Variants in TSKS observed in about 807,000 individuals in gnomAD.
The protein encoded by TSKS is testis-specific serine kinase substrate.
In TSKS, 27 loss-of-function variants were observed where a neutral mutation model predicts 68.0. The ratio of observed to expected loss-of-function variants is 0.40; its 90% confidence interval spans 0.29 to 0.55. The LOEUF (loss-of-function observed/expected upper bound fraction) is 0.55. TSKS is among the 20% of genes least tolerant of loss of function. The pLI, the probability that TSKS is intolerant of heterozygous loss-of-function variation, is 0.53. For synonymous variants in TSKS, 331 were observed against 340.4 expected (o/e 0.97, Z 0.30); for missense variants, 806 against 776.0 (o/e 1.04, Z -0.46).
chr19:49,762,113 C>G lies in TSKS; in HGVS notation c.290G>C (p.Gly97Ala). 6.2e-7 allele frequency: 1 copy of G among 1,614,106 alleles called. No individual in the cohort carries two copies. Among genetic ancestry groups the G allele is most frequent in the Non-Finnish European group, 8.5e-7 (1 of 1,180,008 alleles). The change falls in exon 2 of 11, where the codon GGG becomes GCG. Residue 97 changes from glycine to alanine, a missense_variant. Transcript: ENST00000246801. ...GAGGTCTTCCACTGTGGAGTCTGTC[C>G]CCGTGGAGTCAGTGGGCTCCATGGC... ...LAAMEPTDST[G>A]TDSTVEDLSG... is the part of the protein sequence containing the mutation.
In TSKS at chr19:49,748,468, C is replaced by A. The variant is rs141822625; in HGVS notation, c.401G>T (p.Ser134Ile). The change falls in exon 3 of 11, where the codon AGT (serine) becomes ATT (isoleucine). Residue 134 changes from serine to isoleucine, a missense_variant and splice_region_variant. Transcript: ENST00000246801. ...GCGGACCAATCCACTGTTGACCCCA[C>A]TCTGGGGAAGAATGGGAGACAGGTG... ...PDDADITEIL[S>I]GVNSGLVRAK... 125 of 1,613,710 alleles carry A rather than the reference C, an allele frequency of 7.7e-5. No individual in the cohort carries two copies. The African/African-American group carries it at 1.6e-3, about 20-fold the overall frequency.
chr19:49,748,976 T>C (rs889905010), intron 2 of TSKS, among the ~76,000 whole-genome samples: 1 of 151,920 alleles, frequency 6.6e-6, no homozygotes, highest in African/African-American at 2.4e-5. Flanking sequence ...GGCAGGAGAA[T>C]TGCTTGAACC....
chr19:49,754,237 A>G lies in TSKS; in HGVS notation c.400-5768T>C, dbSNP rs915311471. 1.0e-4 allele frequency among the ~76,000 whole-genome samples: 15 copies of G among 149,244 alleles called. No homozygotes were observed. In the East Asian group the frequency reaches 2.7e-3, roughly 27 times the overall value. On this transcript the variant is annotated intron_variant, in intron 2 of 10. Coordinates refer to ENST00000246801, the MANE Select transcript of TSKS (RefSeq NM_021733.2). Reference sequence around the variant, plus strand: ...TTTCAGGCCAGGCACGGTGGCTCACACCTGTAATCTCAGCACTTTGGGAGG... The same window carrying G: ...TTTCAGGCCAGGCACGGTGGCTCACGCCTGTAATCTCAGCACTTTGGGAGG...
At chr19:49,742,152 C>T in intron 8 of TSKS, 132 bp from the exon 9 acceptor site, 1 of 944,410 alleles carries the variant, frequency 1.1e-6, no homozygotes, top group South Asian at 1.6e-5. Context: ...TCCCAGCATG[C>T]ACTGTGCACC....
intron 8 of TSKS, among the ~76,000 whole-genome samples, 181 bp from the exon 9 acceptor site, chr19:49,742,201 ACTC>A (rs1206972560): frequency 6.9e-6 from 1 of 145,262 alleles, no homozygotes; most frequent in African/African-American, 2.5e-5. Context: ...GGGGATCACT[ACTC>A]CTTTTTTTTT....
chr19:49,762,930 G>T, intron 1 of TSKS, 148 bp downstream of exon 1: 3 of 933,318 alleles, frequency 3.2e-6, no homozygotes, highest in Non-Finnish European at 4.7e-6. Context: ...CCTGTGACTT[G>T]ATGTCTCTTC....
chr19:49,760,631 CAA>C (rs1023479836), intron 2 of TSKS, among the ~76,000 whole-genome samples: 2 of 151,612 alleles, frequency 1.3e-5, no homozygotes, highest in Non-Finnish European at 2.9e-5. Context: ...GCCTGGCCTA[CAA>C]AAAATTTTTT....
chr19:49,751,820 T>G (rs2084352858), intron 2 of TSKS, among the ~76,000 whole-genome samples: 1 of 143,550 alleles, frequency 7.0e-6, no homozygotes, highest in Non-Finnish European at 1.5e-5. Context: ...CCCAGCACTT[T>G]GGGAGGCTGA....
At chr19:49,757,954 G>C (rs184905196) in intron 2 of TSKS, among the ~76,000 whole-genome samples, 1 of 146,754 alleles carries the variant, frequency 6.8e-6, no homozygotes, top group African/African-American at 2.5e-5. Flanking sequence ...GCAGTGGCAC[G>C]ATCTCGGCTC....
chr19:49,752,408 T>G (rs1034117805), intron 2 of TSKS, among the ~76,000 whole-genome samples: 74 of 148,870 alleles, frequency 5.0e-4, no homozygotes, highest in African/African-American at 1.7e-3. Flanking sequence ...AAAAAACTTG[T>G]GTGGCATCTC....
rs1268816795 is a variant in TSKS, at chr19:49,745,485, T to A, written c.993-89A>T. 4.4e-6 allele frequency: 5 copies of A among 1,146,796 alleles called. No homozygotes were observed. The East Asian group carries it at 1.1e-4, about 26-fold the overall frequency. The allele number at this position is 1,146,796 out of a possible 1,614,324, so 71.0% of individuals were successfully genotyped here. On this transcript the variant is annotated intron_variant, in intron 6 of 10. Coordinates refer to ENST00000246801, the MANE Select transcript of TSKS (RefSeq NM_021733.2). The stretch of plus-strand genomic sequence containing the variant: ...CGAGATAGGTGGGACAGGACTCACC[T>A]ATCTCGCCCCACTGAGACCATGCCC...
chr19:49,740,266 G>T lies in TSKS; in HGVS notation c.1498-83C>A. 5 of 1,506,306 alleles carry T rather than the reference G, an allele frequency of 3.3e-6. No homozygotes were observed. In the South Asian group the frequency reaches 6.3e-5, roughly 19 times the overall value. 93.3% of individuals were successfully genotyped at this position (1,506,306 alleles called of 1,614,324 possible). A position where few individuals can be genotyped will look rare whatever the true frequency, so the allele number is the denominator to read the frequency against. ...GGAACTGGATTGCGGAGGGCAAAGGGTAGGGTCCCATGGGGCCCACATTTC... is the reference window on the plus strand; with the variant it reads ...GGAACTGGATTGCGGAGGGCAAAGGTTAGGGTCCCATGGGGCCCACATTTC... On this transcript the variant is annotated intron_variant, in intron 9 of 10. Coordinates refer to ENST00000246801, the MANE Select transcript of TSKS (RefSeq NM_021733.2).
chr19:49,762,984 C>A, intron 1 of TSKS, 94 bp downstream of exon 1: 1 of 1,474,426 alleles, frequency 6.8e-7, no homozygotes. Context: ...GCTTTTCCCC[C>A]TCCCCTTCCT....
chr19:49,744,436 G>GTC, intron 7 of TSKS, 32 bp from the exon 8 acceptor site: 1 of 1,601,016 alleles, frequency 6.2e-7, no homozygotes, highest in Admixed American at 1.7e-5. Flanking sequence ...CTGCTGGGTC[G>GTC]TCTCTTCAGC....
chr19:49,746,537 C>T lies in TSKS; in HGVS notation c.925G>A (p.Ala309Thr). ...TCGCTCACGTAGGGGCCCTCGCCAG[C>T]CCGAGGCCCCATTCCCCAGCCTGCG... Reference protein sequence around the residue: ...VPAGWGMGPRAGEGPYVSEQE... With the variant: ...VPAGWGMGPRTGEGPYVSEQE... The change falls in exon 6 of 11, where the codon GCT (alanine) becomes ACT (threonine). Residue 309 changes from alanine to threonine, a missense_variant. Coordinates refer to ENST00000246801, the MANE Select transcript of TSKS (RefSeq NM_021733.2). 3 of 1,613,694 alleles carry T rather than the reference C, an allele frequency of 1.9e-6. No homozygotes were observed. Among genetic ancestry groups the T allele is most frequent in the African/African-American group, 1.3e-5 (1 of 75,060 alleles).
chr19:49,749,641 G>C (rs956045473), intron 2 of TSKS, among the ~76,000 whole-genome samples: 2 of 151,858 alleles, frequency 1.3e-5, no homozygotes, highest in African/African-American at 4.8e-5. Context: ...GTGTGTGTGT[G>C]GGGGGTCTCT....
At chr19:49,748,490 G>A (rs2084322385) in intron 2 of TSKS, 21 bp from the exon 3 acceptor site, 1 of 1,610,526 alleles carries the variant, frequency 6.2e-7, no homozygotes, top group Non-Finnish European at 8.5e-7. Context: ...ATGGGAGACA[G>A]GTGAGTTAGT....
At chr19:49,753,243 T>G (rs1487157905) in intron 2 of TSKS, among the ~76,000 whole-genome samples, 1 of 151,978 alleles carries the variant, frequency 6.6e-6, no homozygotes, top group African/African-American at 2.4e-5. Context: ...CTGAGCAACA[T>G]AGTAAAACCT....
At chr19:49,758,095 T>A (rs13343518) in intron 2 of TSKS, among the ~76,000 whole-genome samples, 6 of 133,930 alleles carry the variant, frequency 4.5e-5, no homozygotes, top group African/African-American at 1.6e-4. Context: ...TCTGTCCTCC[T>A]CTCTCTTGGT....
Sources: allele counts gnomAD v4.1 joint callset (sites outside exome capture counted in the v4.1 genomes callset), GRCh38; gene constraint gnomAD v4.1.1; transcripts MANE v1.5; gene names NCBI Gene and HGNC (gene_info 2026-07-23, HGNC 2026-07-21).